Variants in COL26A1 observed in about 807,000 individuals in gnomAD.
The protein encoded by COL26A1 is collagen type XXVI alpha 1 chain.
A neutral mutation model predicts 59.3 loss-of-function variants in COL26A1; 41 were observed. That is an observed-to-expected ratio of 0.69 (90% CI 0.54 to 0.90). The LOEUF (loss-of-function observed/expected upper bound fraction) is 0.90, where lower values mean the gene tolerates loss of function less well. COL26A1 is among the 40% of genes least tolerant of loss of function. The pLI is 0.00. For synonymous variants in COL26A1, 266 were observed against 256.0 expected, an observed-to-expected ratio of 1.04 and a Z score of -0.37; for missense variants, 612 against 602.3, an observed-to-expected ratio of 1.02 and a Z score of -0.17.
At chr7:101,447,846 C>G (rs747656710) in intron 3 of COL26A1, 59 bp downstream of exon 3, 13 of 1,062,616 alleles carry the variant, frequency 1.2e-5, no homozygotes, top group Non-Finnish European at 1.9e-5. Context: ...TGGAGTTTCT[C>G]CCTTCTCTGG....
At chr7:101,409,000 CTTG>C (rs1474269044) in intron 1 of COL26A1, among the ~76,000 whole-genome samples, 3 of 152,344 alleles carry the variant, frequency 2.0e-5, no homozygotes, top group East Asian at 1.9e-4. Context: ...TGCCCGTTGA[CTTG>C]TTGTTGCCTT....
chr7:101,420,919 CA>C (rs1462420528), intron 2 of COL26A1, among the ~76,000 whole-genome samples: 18 of 152,068 alleles, frequency 1.2e-4, no homozygotes, highest in Non-Finnish European at 2.2e-4. Flanking sequence ...TCCTCCTCTC[CA>C]GGCCGTGCTT....
intron 1 of COL26A1, among the ~76,000 whole-genome samples, chr7:101,402,296 T>G (rs1792026351): frequency 6.6e-6 from 1 of 152,036 alleles, no homozygotes; most frequent in Admixed American, 6.6e-5. Flanking sequence ...TATCAGGGAT[T>G]TTCCCCCCCA....
At chr7:101,554,401 C>T (rs2130688014) in intron 11 of COL26A1, among the ~76,000 whole-genome samples, 1 of 152,026 alleles carries the variant, frequency 6.6e-6, no homozygotes. Context: ...GCCTGATACA[C>T]TGGTCACTCA....
intron 3 of COL26A1, among the ~76,000 whole-genome samples, chr7:101,470,986 A>G (rs1295931710): frequency 6.6e-6 from 1 of 152,138 alleles, no homozygotes; most frequent in East Asian, 1.9e-4. Flanking sequence ...ACACACTCCT[A>G]TCACTCAGGA....
chr7:101,444,717 TTTTC>T (rs1004491534), intron 2 of COL26A1, among the ~76,000 whole-genome samples: 22 of 147,154 alleles, frequency 1.5e-4, no homozygotes, highest in South Asian at 6.7e-4. Context: ...GCCTGGCCCC[TTTTC>T]TTTCTTTATC....
At chr7:101,444,283 C>A (rs1188503998) in intron 2 of COL26A1, among the ~76,000 whole-genome samples, 2 of 151,896 alleles carry the variant, frequency 1.3e-5, no homozygotes, top group African/African-American at 2.4e-5. Context: ...GTTCAATAAA[C>A]CCACTTTGGG....
intron 1 of COL26A1, among the ~76,000 whole-genome samples, chr7:101,382,507 T>C (rs1454477642): frequency 6.6e-6 from 1 of 152,248 alleles, no homozygotes; most frequent in African/African-American, 2.4e-5. Context: ...TGAACTCTTA[T>C]TTTCTACTGA....
chr7:101,431,966 AT>A (rs35468529), intron 2 of COL26A1, among the ~76,000 whole-genome samples: 206 of 133,540 alleles, frequency 1.5e-3, no homozygotes, highest in Non-Finnish European at 1.9e-3. Flanking sequence ...TAATTTTATA[AT>A]TTTTTTTTTT....
chr7:101,500,390 C>G (rs990459700), intron 3 of COL26A1, among the ~76,000 whole-genome samples: 12 of 152,190 alleles, frequency 7.9e-5, no homozygotes, highest in African/African-American at 2.9e-4. Context: ...TCCTTCTGGC[C>G]GTTGCTTATG....
intron 3 of COL26A1, among the ~76,000 whole-genome samples, chr7:101,462,287 C>T (rs768170604): frequency 1.1e-4 from 16 of 151,768 alleles, no homozygotes; most frequent in Admixed American, 1.3e-4. Context: ...CTTGAGCCAC[C>T]GCACCCAGCC....
chr7:101,414,401 T>TCTCTCTCG (rs1252594167), intron 1 of COL26A1, among the ~76,000 whole-genome samples: 5 of 150,940 alleles, frequency 3.3e-5, no homozygotes, highest in African/African-American at 4.9e-5. Flanking sequence ...TCTCTCTCTC[T>TCTCTCTCG]CTCTCGCTCG....
At chr7:101,461,125 C>G (rs13243766) in intron 3 of COL26A1, among the ~76,000 whole-genome samples, 2 of 151,852 alleles carry the variant, frequency 1.3e-5, no homozygotes, top group African/African-American at 4.8e-5. Flanking sequence ...ACAGGTGCAC[C>G]ACACCACGCC....
intron 2 of COL26A1, among the ~76,000 whole-genome samples, chr7:101,441,588 G>T (rs894270698): frequency 6.6e-6 from 1 of 152,168 alleles, no homozygotes; most frequent in Non-Finnish European, 1.5e-5. Flanking sequence ...AAAGTGTTGG[G>T]ATTACAGGCG....
chr7:101,455,320 A>T (rs562303457), intron 3 of COL26A1, among the ~76,000 whole-genome samples: 24 of 152,118 alleles, frequency 1.6e-4, no homozygotes, highest in Non-Finnish European at 2.9e-4. Context: ...CTGGGATTAC[A>T]GGCATGAGCC....
chr7:101,444,563 C>T (rs1353539467), intron 2 of COL26A1, among the ~76,000 whole-genome samples: 6 of 151,910 alleles, frequency 3.9e-5, no homozygotes, highest in Admixed American at 1.3e-4. Context: ...TGCAGGCATG[C>T]GCCACCACAC....
At chr7:101,490,949 C>T (rs1287335642) in intron 3 of COL26A1, among the ~76,000 whole-genome samples, 1 of 145,658 alleles carries the variant, frequency 6.9e-6, no homozygotes, top group African/African-American at 2.6e-5. Flanking sequence ...CACGCCACTG[C>T]ACTCCAGCCT....
chr7:101,501,464 A>T (rs1794705446), intron 3 of COL26A1, among the ~76,000 whole-genome samples: 1 of 152,192 alleles, frequency 6.6e-6, no homozygotes, highest in African/African-American at 2.4e-5. Flanking sequence ...GAAGATAGCC[A>T]GTTTCTTCAG....
intron 2 of COL26A1, among the ~76,000 whole-genome samples, chr7:101,447,351 A>G (rs1793223478): frequency 6.6e-6 from 1 of 152,216 alleles, no homozygotes; most frequent in Non-Finnish European, 1.5e-5. Flanking sequence ...GGAAAGAGAT[A>G]TTATCAATTT....
Sources: allele counts gnomAD v4.1 joint callset (sites outside exome capture counted in the v4.1 genomes callset), GRCh38; gene constraint gnomAD v4.1.1; transcripts MANE v1.5; gene names NCBI Gene and HGNC (gene_info 2026-07-23, HGNC 2026-07-21).